EVC: variants seen among roughly 807,000 people sequenced by gnomAD.
EVC encodes the protein evC complex member EVC.
EVC carries 116 observed loss-of-function variants against 118.9 expected under a neutral mutation model. The observed-to-expected ratio is 0.98, with a 90% confidence interval of 0.84 to 1.14. EVC has a LOEUF of 1.14. Ranked by LOEUF, EVC falls within the 50% of genes most tolerant of loss-of-function variation. The pLI is 0.00. For synonymous variants in EVC, 619 were observed against 534.7 expected (o/e 1.16, Z -2.18); for missense variants, 1,401 against 1,246.4 (o/e 1.12, Z -1.87).
chr4:5,800,572 C>T (rs139274234), intron 15 of EVC, among the ~76,000 whole-genome samples: 69 of 152,008 alleles, frequency 4.5e-4, no homozygotes, highest in East Asian at 1.4e-3. Flanking sequence ...GTGGGGTGTC[C>T]GCCACTTTAC....
chr4:5,747,564 G>C (rs1282013085), intron 7 of EVC, among the ~76,000 whole-genome samples: 1 of 152,216 alleles, frequency 6.6e-6, no homozygotes, highest in Admixed American at 6.5e-5. Context: ...TGTCCTTAGA[G>C]CTCTGACTGG....
At chr4:5,734,174 G>A (rs564059633) in intron 5 of EVC, among the ~76,000 whole-genome samples, 38 of 152,060 alleles carry the variant, frequency 2.5e-4, no homozygotes, top group Admixed American at 1.0e-3. Flanking sequence ...TCAAGATGAC[G>A]GGGGTTAAAA....
intron 11 of EVC, among the ~76,000 whole-genome samples, chr4:5,761,202 G>A (rs558535703): frequency 6.6e-6 from 1 of 152,158 alleles, no homozygotes; most frequent in East Asian, 1.9e-4. Flanking sequence ...GCAGGTCCAA[G>A]GCCCAGACCT....
At chr4:5,713,201 C>CTG (rs988088152) in intron 1 of EVC, among the ~76,000 whole-genome samples, 46 of 152,180 alleles carry the variant, frequency 3.0e-4, no homozygotes, top group African/African-American at 1.1e-3. Context: ...ATGGAGGGGT[C>CTG]TGTGGCTCAA....
chr4:5,800,829 C>A (rs1714832912), intron 15 of EVC, among the ~76,000 whole-genome samples: 1 of 138,946 alleles, frequency 7.2e-6, no homozygotes, highest in African/African-American at 2.7e-5. Context: ...CCGGGCTGTA[C>A]AGGCTAGTCA....
In EVC at chr4:5,755,388, G is replaced by C. The variant is rs1445929764; in HGVS notation, c.1465-876G>C. ...AGGGTGAATGAGCGCATGCGTGCCT[G>C]AATGAACCAGGACATGGACAAATGG... On this transcript the variant is annotated intron_variant, in intron 10 of 20. Coordinates refer to ENST00000264956, the MANE Select transcript of EVC (RefSeq NM_153717.3). The surrounding 1 kb of genome is among the most constrained non-coding windows in gnomAD (Gnocchi z 4.1). Among the ~76,000 whole-genome samples the C allele has an allele frequency of 6.6e-6, 1 of 152,096 alleles. No individual in the cohort carries two copies. The highest frequency in any genetic ancestry group is 2.4e-5 in the African/African-American group (1 of 41,464).
chr4:5,819,716 G>T, the EVC span, among the ~76,000 whole-genome samples: 2 of 152,180 alleles, frequency 1.3e-5, no homozygotes, highest in South Asian at 2.1e-4. Flanking sequence ...TTTTCTGGAA[G>T]TTTCCCTTTA....
At chr4:5,806,385 T>C (rs1363685135) in intron 17 of EVC, among the ~76,000 whole-genome samples, 1 of 152,110 alleles carries the variant, frequency 6.6e-6, no homozygotes, top group Non-Finnish European at 1.5e-5. Context: ...CAGCCTGTCA[T>C]TCTACTCGCT....
intron 11 of EVC, among the ~76,000 whole-genome samples, chr4:5,775,858 G>T (rs1378710697): frequency 6.6e-6 from 1 of 152,096 alleles, no homozygotes; most frequent in Non-Finnish European, 1.5e-5. Flanking sequence ...ATTAAGATTT[G>T]GAATTTATAG....
the EVC span, chr4:5,825,773 C>A: frequency 2.0e-6 from 2 of 980,004 alleles, no homozygotes; most frequent in Non-Finnish European, 3.0e-6. This position sits in a 1 kb window ranked among gnomAD's most constrained non-coding sequence, Gnocchi z 4.4. Context: ...TTCAAATGTG[C>A]ATGCACACAC....
intron 2 of EVC, among the ~76,000 whole-genome samples, chr4:5,727,726 A>G (rs1726096295): frequency 6.6e-6 from 1 of 151,826 alleles, no homozygotes; most frequent in African/African-American, 2.4e-5. Flanking sequence ...TAAGTCTTTA[A>G]TCCTTTTTGA....
intron 12 of EVC, among the ~76,000 whole-genome samples, chr4:5,791,005 G>A (rs1252032472): frequency 6.6e-6 from 1 of 152,006 alleles, no homozygotes; most frequent in African/African-American, 2.4e-5. Flanking sequence ...TGAGGCAGGA[G>A]AATCGCTTGA....
In EVC at chr4:5,719,787, G is replaced by A. The variant is rs764227654; in HGVS notation, c.300+414G>A. On this transcript the variant is annotated intron_variant, in intron 2 of 20. Transcript: ENST00000264956. The surrounding 1 kb of genome is among the most constrained non-coding windows in gnomAD (Gnocchi z 4.7). ...GAATGCCTTAAGATGTTTCCCTTTC[G>A]TTGTGTGTATCAATAATTCACCCAT... Among the ~76,000 whole-genome samples, 16 of 152,186 alleles carry A rather than the reference G, an allele frequency of 1.1e-4. No homozygotes were observed. Among genetic ancestry groups the A allele is most frequent in the South Asian group, 8.3e-4 (4 of 4,816 alleles).
intron 11 of EVC, among the ~76,000 whole-genome samples, chr4:5,770,936 C>T (rs1733848687): frequency 1.3e-5 from 2 of 151,504 alleles, no homozygotes; most frequent in Non-Finnish European, 2.9e-5. Flanking sequence ...TTGTTGAACC[C>T]GGGAGGCAGA....
Position 5,778,708 on chromosome 4 carries a change from G to T in EVC, c.1564-4844G>T, listed in dbSNP as rs1367284217. ...GGTTGTTTGTTTTTTTCTTGTAAAT[G>T]TGTTTGAGTTCATTGTAGATTCTGG... On this transcript the variant is annotated intron_variant, in intron 11 of 20. Coordinates refer to ENST00000264956, the MANE Select transcript of EVC (RefSeq NM_153717.3). Among the ~76,000 whole-genome samples, 8 of 152,050 alleles carry T rather than the reference G, an allele frequency of 5.3e-5. No homozygotes were observed. The East Asian group carries it at 1.4e-3, about 26-fold the overall frequency.
At chr4:5,773,934 A>G (rs992930254) in intron 11 of EVC, among the ~76,000 whole-genome samples, 1 of 152,034 alleles carries the variant, frequency 6.6e-6, no homozygotes, top group Non-Finnish European at 1.5e-5. Context: ...ATGAGGAACA[A>G]AAGTCTCCCA....
chr4:5,711,861 G>C (rs1241122475), intron 1 of EVC, among the ~76,000 whole-genome samples: 2 of 152,200 alleles, frequency 1.3e-5, no homozygotes, highest in African/African-American at 4.8e-5. Context: ...ACAGGACGCT[G>C]GCCCTGCTCG....
At chr4:5,824,861 C>T in the EVC span, 1 of 985,404 alleles carries the variant, frequency 1.0e-6, no homozygotes, top group Non-Finnish European at 1.2e-6. Context: ...GTGGCCATCT[C>T]ACCAAATCAC....
intron 2 of EVC, among the ~76,000 whole-genome samples, chr4:5,721,567 T>C (rs895569578): frequency 5.3e-5 from 8 of 152,056 alleles, no homozygotes; most frequent in African/African-American, 1.7e-4. Context: ...GCCATGAAAA[T>C]GTTCTAAAGT....
Sources: gnomAD v4.1 joint callset for allele counts (sites outside exome capture counted in the v4.1 genomes callset) on GRCh38, gnomAD v4.1.1 for gene constraint, Gnocchi (gnomAD v3.1) non-coding constraint, MANE v1.5 for transcripts, NCBI Gene and HGNC (gene_info 2026-07-23, HGNC 2026-07-21) for gene names.